TENM3: variants seen among roughly 807,000 people sequenced by gnomAD.
The protein encoded by TENM3 is teneurin-3.
TENM3 carries 63 observed loss-of-function variants against 255.1 expected under a neutral mutation model. The observed-to-expected ratio is 0.25, with a 90% confidence interval of 0.20 to 0.30. The LOEUF is 0.30. TENM3 is among the 10% of genes least tolerant of loss of function. The probability of loss-of-function intolerance (pLI) is 1.00; values close to 1 mark genes in which losing one functional copy is unlikely to be tolerated. For synonymous variants in TENM3, 1,306 were observed against 1,322.3 expected, an observed-to-expected ratio of 0.99 and a Z score of 0.27; for missense variants, 2,929 against 3,461.1, an observed-to-expected ratio of 0.85 and a Z score of 3.86.
chr4:181,683,437 C>T, the TENM3 span, among the ~76,000 whole-genome samples: 1 of 152,110 alleles, frequency 6.6e-6, no homozygotes, highest in Non-Finnish European at 1.5e-5. Flanking sequence ...TTATATTAGA[C>T]TCACTTGGCA....
chr4:181,497,637 T>C, the TENM3 span, among the ~76,000 whole-genome samples: 1 of 152,144 alleles, frequency 6.6e-6, no homozygotes, highest in African/African-American at 2.4e-5. Flanking sequence ...GAAAAAGGAA[T>C]CAGGAAACTA....
chr4:181,466,623 A>T, the TENM3 span, among the ~76,000 whole-genome samples: 5 of 152,188 alleles, frequency 3.3e-5, no homozygotes, highest in Non-Finnish European at 7.3e-5. Flanking sequence ...TGGACTATTT[A>T]AAATCACTCA....
chr4:182,368,088 C>G lies in TENM3; in HGVS notation c.511+21159C>G, dbSNP rs28367407. On this transcript the variant is annotated intron_variant, in intron 3 of 27. Coordinates refer to ENST00000511685, the MANE Select transcript of TENM3 (RefSeq NM_001080477.4). ...TAGCAGAGTCTGAGAATATTTTATC[C>G]CATGCATTTTAGTTACTTCCTGCAA... Among the ~76,000 whole-genome samples, 1,267 of 152,178 alleles carry G rather than the reference C, an allele frequency of 8.3e-3. 19 individuals carry two copies. The highest frequency in any genetic ancestry group is 0.029 in the African/African-American group (1,218 of 41,514).
At chr4:181,487,549 G>C in the TENM3 span, among the ~76,000 whole-genome samples, 1 of 152,054 alleles carries the variant, frequency 6.6e-6, no homozygotes, top group Admixed American at 6.6e-5. Flanking sequence ...CCTTTTTTAC[G>C]AGGGTAATAA....
At chr4:182,523,438 G>T (rs572020121) in intron 3 of TENM3, among the ~76,000 whole-genome samples, 2 of 152,078 alleles carry the variant, frequency 1.3e-5, no homozygotes, top group Admixed American at 6.6e-5. Flanking sequence ...AACATGTAAG[G>T]TTCCTTTGTG....
intron 1 of TENM3, among the ~76,000 whole-genome samples, chr4:182,195,311 G>A (rs1208700402): frequency 6.6e-6 from 1 of 152,064 alleles, no homozygotes; most frequent in Non-Finnish European, 1.5e-5. Flanking sequence ...TGAAGTGAAT[G>A]AGGGAGAATA....
chr4:182,707,565 T>C (rs1464607792), intron 12 of TENM3, among the ~76,000 whole-genome samples: 1 of 152,222 alleles, frequency 6.6e-6, no homozygotes, highest in Admixed American at 6.5e-5. Flanking sequence ...AGGGGAGATG[T>C]GTGAAAAGAA....
the TENM3 span, among the ~76,000 whole-genome samples, chr4:181,564,010 TTTC>T: frequency 7.2e-5 from 1 of 13,966 alleles, no homozygotes; most frequent in Non-Finnish European, 3.1e-4. Context: ...AAAATGATGT[TTTC>T]TTTTCTTTTC....
chr4:181,680,153 C>A, the TENM3 span, among the ~76,000 whole-genome samples: 14 of 152,018 alleles, frequency 9.2e-5, no homozygotes, highest in Non-Finnish European at 5.9e-5. Flanking sequence ...CCTTTGCCGC[C>A]TTAAGCTTCA....
the TENM3 span, among the ~76,000 whole-genome samples, chr4:181,923,181 T>C: frequency 6.6e-6 from 1 of 152,130 alleles, no homozygotes; most frequent in East Asian, 1.9e-4. Context: ...GGAATAGGTG[T>C]GGTGCGGTGC....
At chr4:181,707,945 T>C in the TENM3 span, among the ~76,000 whole-genome samples, 1 of 152,164 alleles carries the variant, frequency 6.6e-6, no homozygotes, top group Admixed American at 6.5e-5. Context: ...AGTGAACAAA[T>C]ACATAATAAT....
intron 1 of TENM3, among the ~76,000 whole-genome samples, chr4:182,321,875 G>A (rs1328959484): frequency 6.6e-6 from 1 of 151,806 alleles, no homozygotes; most frequent in Non-Finnish European, 1.5e-5. Flanking sequence ...AACCCAGGAG[G>A]CGGAGGTTGC....
intron 5 of TENM3, among the ~76,000 whole-genome samples, chr4:182,632,017 G>T (rs1426386102): frequency 1.3e-5 from 2 of 152,130 alleles, no homozygotes; most frequent in Non-Finnish European, 2.9e-5. Context: ...AGTAAAGAAA[G>T]ACCTTAAAAA....
intron 12 of TENM3, among the ~76,000 whole-genome samples, chr4:182,701,117 T>C (rs1579159559): frequency 6.6e-6 from 1 of 151,798 alleles, no homozygotes; most frequent in South Asian, 2.1e-4. Context: ...AGCAATCTAA[T>C]TGTGAATTAA....
chr4:181,464,775 G>T, the TENM3 span, among the ~76,000 whole-genome samples: 1 of 151,810 alleles, frequency 6.6e-6, no homozygotes, highest in Non-Finnish European at 1.5e-5. Context: ...ATATGGTGAA[G>T]CCCCGTCTCT....
intron 1 of TENM3, among the ~76,000 whole-genome samples, chr4:182,232,545 G>A (rs941855563): frequency 6.6e-6 from 1 of 152,106 alleles, no homozygotes; most frequent in Non-Finnish European, 1.5e-5. Context: ...CCAACATGGC[G>A]AAACCCCATG....
Position 182,755,053 on chromosome 4 carries a change from C to T in TENM3, c.4686C>T (p.Asn1562=), listed in dbSNP as rs763283270. Residue 1562 remains asparagine, a synonymous_variant, in exon 22 of 28, where the codon AAC becomes AAT. Coordinates refer to ENST00000511685, the MANE Select transcript of TENM3 (RefSeq NM_001080477.4). The part of the protein sequence containing the change: ...DITAVTDSNG[N]TLRIRRDPNR... ...CTGCTGTGACAGACAGCAATGGCAA[C>T]ACCCTTAGAATTAGACGGGACCCAA... The T allele has an allele frequency of 4.3e-5, 70 of 1,613,918 alleles. No individual in the cohort carries two copies. The highest frequency in any genetic ancestry group is 5.6e-5 in the Non-Finnish European group (66 of 1,179,902).
chr4:182,344,961 T>C (rs1163173961), intron 2 of TENM3, among the ~76,000 whole-genome samples: 1 of 152,234 alleles, frequency 6.6e-6, no homozygotes, highest in East Asian at 1.9e-4. Context: ...CTCAGTGAGC[T>C]TGCCTGCCTT....
intron 3 of TENM3, among the ~76,000 whole-genome samples, chr4:182,441,286 G>C (rs962604694): frequency 6.6e-6 from 1 of 152,104 alleles, no homozygotes; most frequent in Non-Finnish European, 1.5e-5. Flanking sequence ...CTCTGCCCTC[G>C]TGAGGTTTAT....
Sources: gnomAD v4.1 joint callset for allele counts (sites outside exome capture counted in the v4.1 genomes callset) on GRCh38, gnomAD v4.1.1 for gene constraint, MANE v1.5 for transcripts, NCBI Gene and HGNC (gene_info 2026-07-23, HGNC 2026-07-21) for gene names.